CAMK1D: variants seen among roughly 807,000 people sequenced by gnomAD.
CAMK1D encodes calcium/calmodulin dependent protein kinase ID.
CAMK1D carries 9 observed loss-of-function variants against 47.7 expected under a neutral mutation model. The ratio of observed to expected loss-of-function variants is 0.19; its 90% CI spans 0.11 to 0.33. CAMK1D has a LOEUF of 0.33. CAMK1D is among the 10% of genes least tolerant of loss of function. CAMK1D has a pLI of 1.00. For missense variants in CAMK1D, 291 were observed against 488.7 expected (o/e 0.60, Z 3.81); for synonymous variants, 184 against 184.9 (o/e 0.99, Z 0.04).
At chr10:12,648,749 G>T (rs1443056946) in intron 2 of CAMK1D, among the ~76,000 whole-genome samples, 1 of 152,142 alleles carries the variant, frequency 6.6e-6, no homozygotes, top group African/African-American at 2.4e-5. Context: ...GGGATTACAG[G>T]TGTGAGCCAC....
chr10:12,600,419 A>C (rs1291591917), intron 2 of CAMK1D, among the ~76,000 whole-genome samples: 1 of 152,032 alleles, frequency 6.6e-6, no homozygotes, highest in African/African-American at 2.4e-5. Flanking sequence ...TCGGTAACCT[A>C]CTCACGCTTG....
chr10:12,820,942 C>T (rs1564588170), intron 8 of CAMK1D, among the ~76,000 whole-genome samples: 1 of 152,238 alleles, frequency 6.6e-6, no homozygotes, highest in Non-Finnish European at 1.5e-5. Flanking sequence ...TCCTCCAGCT[C>T]AGTGGTTCTG....
chr10:12,565,367 C>T (rs1000766276), intron 2 of CAMK1D, among the ~76,000 whole-genome samples: 1 of 152,214 alleles, frequency 6.6e-6, no homozygotes, highest in Non-Finnish European at 1.5e-5. Context: ...GATTCTCCTG[C>T]CTCAGCCTCC....
chr10:12,786,809 T>C (rs569590930), intron 5 of CAMK1D, among the ~76,000 whole-genome samples: 1 of 152,360 alleles, frequency 6.6e-6, no homozygotes, highest in East Asian at 1.9e-4. Flanking sequence ...TTAAGTGTAG[T>C]TAGTCTGTGG....
At chr10:12,485,518 G>A (rs1431119342) in intron 1 of CAMK1D, among the ~76,000 whole-genome samples, 1 of 152,162 alleles carries the variant, frequency 6.6e-6, no homozygotes, top group East Asian at 1.9e-4. Flanking sequence ...GGGGAGGGCT[G>A]GTCACAGGGA....
intron 3 of CAMK1D, among the ~76,000 whole-genome samples, chr10:12,694,094 A>ATT (rs1329627760): frequency 3.5e-5 from 2 of 57,132 alleles, no homozygotes; most frequent in African/African-American, 1.4e-4. Context: ...TATAATATAT[A>ATT]TTATATAATA....
chr10:12,630,375 T>A (rs75170697), intron 2 of CAMK1D, among the ~76,000 whole-genome samples: 2 of 125,534 alleles, frequency 1.6e-5, no homozygotes, highest in Non-Finnish European at 3.5e-5. Context: ...TTTTCTTTCT[T>A]TTTTTTTTTT....
chr10:12,595,342 G>GAGAAAA (rs1554794319), intron 2 of CAMK1D, among the ~76,000 whole-genome samples: 1 of 23,554 alleles, frequency 4.2e-5, no homozygotes, highest in African/African-American at 1.8e-4. Context: ...AACTCCATCT[G>GAGAAAA]AAAAAAAAAA....
At chr10:12,531,895 G>A (rs1835817447) in intron 1 of CAMK1D, among the ~76,000 whole-genome samples, 1 of 152,206 alleles carries the variant, frequency 6.6e-6, no homozygotes, top group African/African-American at 2.4e-5. Context: ...GGAATTGACA[G>A]TAAAGTCAAA....
At chr10:12,707,691 C>G (rs1833779505) in intron 3 of CAMK1D, among the ~76,000 whole-genome samples, 1 of 152,168 alleles carries the variant, frequency 6.6e-6, no homozygotes, top group African/African-American at 2.4e-5. Context: ...AGTTTCTTGT[C>G]TCTAATCTCT....
intron 5 of CAMK1D, among the ~76,000 whole-genome samples, chr10:12,789,031 T>G (rs962764052): frequency 3.3e-5 from 5 of 152,254 alleles, no homozygotes; most frequent in African/African-American, 1.2e-4. Flanking sequence ...CAGTGGTTTG[T>G]CTACCTTCCT....
intron 3 of CAMK1D, among the ~76,000 whole-genome samples, chr10:12,696,486 T>G (rs893213223): frequency 1.3e-5 from 2 of 151,856 alleles, no homozygotes; most frequent in African/African-American, 4.8e-5. Flanking sequence ...GCAGTGAGCC[T>G]ATATCGTGCC....
chr10:12,577,054 T>C (rs1013881390), intron 2 of CAMK1D, among the ~76,000 whole-genome samples: 2 of 152,192 alleles, frequency 1.3e-5, no homozygotes, highest in African/African-American at 4.8e-5. Context: ...TAGCACGGAC[T>C]GGGATGCCTT....
rs185808571 is a variant in CAMK1D at position 12,511,493 on chromosome 10, C to T, written c.93-41732C>T. 2.6e-3 allele frequency among the ~76,000 whole-genome samples: 395 copies of T among 152,164 alleles called. 3 individuals are homozygous for T. Among genetic ancestry groups the T allele is most frequent in the African/African-American group, 8.8e-3 (364 of 41,506 alleles). On this transcript the variant is annotated intron_variant, in intron 1 of 10. Coordinates refer to ENST00000619168, the MANE Select transcript of CAMK1D (RefSeq NM_153498.4). Reference sequence around the variant, plus strand: ...AGGTGTGGTGGTGCATGCTTGTGGCCCCAGCTACCTGGGAGGCTAAGGCAG... The same window carrying T: ...AGGTGTGGTGGTGCATGCTTGTGGCTCCAGCTACCTGGGAGGCTAAGGCAG...
At chr10:12,747,508 G>A (rs971126071) in intron 3 of CAMK1D, among the ~76,000 whole-genome samples, 2 of 151,982 alleles carry the variant, frequency 1.3e-5, no homozygotes, top group African/African-American at 4.8e-5. Flanking sequence ...GAGCGGAGGG[G>A]AGCAGGGGCT....
At chr10:12,771,472 A>G (rs541627456) in intron 5 of CAMK1D, among the ~76,000 whole-genome samples, 8 of 152,370 alleles carry the variant, frequency 5.3e-5, no homozygotes, top group Non-Finnish European at 8.8e-5. Flanking sequence ...GTCCTTGCAT[A>G]TAATTACAGA....
intron 3 of CAMK1D, among the ~76,000 whole-genome samples, chr10:12,727,632 C>T (rs1470805564): frequency 6.6e-6 from 1 of 152,184 alleles, no homozygotes; most frequent in Non-Finnish European, 1.5e-5. Flanking sequence ...AACACAACTG[C>T]CAGCATCAAC....
intron 3 of CAMK1D, among the ~76,000 whole-genome samples, chr10:12,704,992 G>A (rs1833675685): frequency 6.6e-6 from 1 of 152,156 alleles, no homozygotes; most frequent in African/African-American, 2.4e-5. Flanking sequence ...TCATAGTCTA[G>A]TGTTCCTTCT....
intron 1 of CAMK1D, among the ~76,000 whole-genome samples, chr10:12,539,773 TCCACGTCAGTA>T (rs1348996457): frequency 6.6e-6 from 1 of 152,266 alleles, no homozygotes; most frequent in East Asian, 1.9e-4. Context: ...TGCAGTTTCA[TCCACGTCAGTA>T]CCTTTGTCAT....
Sources: gnomAD v4.1 joint callset for allele counts (sites outside exome capture counted in the v4.1 genomes callset) on GRCh38, gnomAD v4.1.1 for gene constraint, MANE v1.5 for transcripts, NCBI Gene and HGNC (gene_info 2026-07-23, HGNC 2026-07-21) for gene names.